ADGRL3: variants seen among roughly 807,000 people sequenced by gnomAD.
ADGRL3 encodes the protein calcium-independent alpha-latrotoxin receptor 3.
A neutral mutation model predicts 153.5 loss-of-function variants in ADGRL3; 62 were observed. The ratio of observed to expected loss-of-function variants is 0.40; its 90% CI spans 0.33 to 0.50. The LOEUF is 0.50. ADGRL3 is among the 20% of genes least tolerant of loss of function. The probability of loss-of-function intolerance (pLI) is 0.47; values close to 1 mark genes in which losing one functional copy is unlikely to be tolerated. For missense variants in ADGRL3, 1,641 were observed against 1,859.4 expected, an observed-to-expected ratio of 0.88 and a Z score of 2.16; for synonymous variants, 710 against 672.5, an observed-to-expected ratio of 1.06 and a Z score of -0.86.
chr4:61,715,790 T>C (rs2096097968), intron 6 of ADGRL3, among the ~76,000 whole-genome samples: 1 of 152,050 alleles, frequency 6.6e-6, no homozygotes, highest in Non-Finnish European at 1.5e-5. Context: ...CTTGGAGAGA[T>C]GGGCTTTTAT....
intron 2 of ADGRL3, among the ~76,000 whole-genome samples, chr4:61,436,663 G>C (rs1164000628): frequency 6.6e-6 from 1 of 152,154 alleles, no homozygotes; most frequent in Non-Finnish European, 1.5e-5. Context: ...GTGAGAACAT[G>C]TTCAAAGGCA....
At chr4:61,801,165 T>C (rs550347235) in intron 8 of ADGRL3, among the ~76,000 whole-genome samples, 7 of 152,274 alleles carry the variant, frequency 4.6e-5, no homozygotes, top group African/African-American at 1.7e-4. Context: ...CTTGAGAATA[T>C]GCTTTTCTTA....
chr4:62,056,439 C>T (rs917535422), intron 25 of ADGRL3, among the ~76,000 whole-genome samples: 1 of 151,888 alleles, frequency 6.6e-6, no homozygotes, highest in African/African-American at 2.4e-5. Flanking sequence ...GAAGGCAGTG[C>T]AGACATGTGA....
intron 5 of ADGRL3, among the ~76,000 whole-genome samples, chr4:61,639,011 A>G (rs1039596905): frequency 2.6e-5 from 4 of 152,072 alleles, no homozygotes; most frequent in African/African-American, 9.7e-5. Flanking sequence ...TGCTGACCAC[A>G]TTTCCTAAGC....
intron 17 of ADGRL3, among the ~76,000 whole-genome samples, chr4:61,973,214 T>A (rs919516553): frequency 2.0e-5 from 3 of 152,066 alleles, no homozygotes; most frequent in Admixed American, 2.0e-4. Context: ...TTATTTTTTT[T>A]AAATCATAAG....
At chr4:61,504,596 T>A (rs1025343230) in intron 3 of ADGRL3, among the ~76,000 whole-genome samples, 1 of 152,192 alleles carries the variant, frequency 6.6e-6, no homozygotes, top group African/African-American at 2.4e-5. Flanking sequence ...CACTAGATCT[T>A]ATTCCCTCTA....
chr4:61,961,632 C>T (rs924082651), intron 17 of ADGRL3, among the ~76,000 whole-genome samples: 10 of 151,932 alleles, frequency 6.6e-5, no homozygotes, highest in Non-Finnish European at 1.2e-4. Context: ...TATGTATTTT[C>T]CCCATTACTT....
At chr4:61,653,971 G>C (rs935727314) in intron 5 of ADGRL3, among the ~76,000 whole-genome samples, 2 of 152,136 alleles carry the variant, frequency 1.3e-5, no homozygotes, top group African/African-American at 4.8e-5. Context: ...AAAAGCTGTT[G>C]TTCTCAAGAA....
intron 12 of ADGRL3, among the ~76,000 whole-genome samples, 187 bp downstream of exon 12, chr4:61,909,932 T>A (rs2098714689): frequency 6.6e-6 from 1 of 152,118 alleles, no homozygotes; most frequent in South Asian, 2.1e-4. Context: ...GAACTGTGGT[T>A]CTTAATCTAA....
intron 8 of ADGRL3, among the ~76,000 whole-genome samples, chr4:61,804,963 A>ATTT (rs370949071): frequency 3.5e-5 from 5 of 144,068 alleles, no homozygotes; most frequent in African/African-American, 1.3e-4. Flanking sequence ...TTATTTATTT[A>ATTT]TTTTTTTTTT....
chr4:61,463,835 A>T (rs983854784), intron 2 of ADGRL3, among the ~76,000 whole-genome samples: 6 of 152,158 alleles, frequency 3.9e-5, no homozygotes, highest in African/African-American at 1.4e-4. Context: ...GTAACACCAG[A>T]TGTGGATGGT....
At chr4:61,964,519 A>G (rs1292319386) in intron 17 of ADGRL3, among the ~76,000 whole-genome samples, 1 of 152,000 alleles carries the variant, frequency 6.6e-6, no homozygotes, top group African/African-American at 2.4e-5. Context: ...CTTTTTTTTC[A>G]TAATGAAATT....
chr4:61,986,221 T>C (rs1316436698), intron 19 of ADGRL3, among the ~76,000 whole-genome samples: 1 of 152,178 alleles, frequency 6.6e-6, no homozygotes, highest in Non-Finnish European at 1.5e-5. Context: ...AATTGAGTAA[T>C]ATAGTTATTT....
chr4:61,368,331 G>C (rs1420916901), intron 1 of ADGRL3, among the ~76,000 whole-genome samples: 1 of 152,112 alleles, frequency 6.6e-6, no homozygotes, highest in African/African-American at 2.4e-5. Flanking sequence ...GTAATGCCTA[G>C]GTTTTCTTCT....
intron 2 of ADGRL3, among the ~76,000 whole-genome samples, chr4:61,466,980 C>T (rs2097892405): frequency 6.6e-6 from 1 of 151,926 alleles, no homozygotes; most frequent in African/African-American, 2.4e-5. Flanking sequence ...ATGGAAACTA[C>T]ACATTTTTAA....
At chr4:61,347,743 G>A (rs1043000435) in intron 1 of ADGRL3, among the ~76,000 whole-genome samples, 9 of 152,086 alleles carry the variant, frequency 5.9e-5, no homozygotes, top group Non-Finnish European at 1.3e-4. Context: ...TAATCAGTAT[G>A]ATCCTTGGTG....
intron 4 of ADGRL3, among the ~76,000 whole-genome samples, chr4:61,570,386 A>C (rs533685727): frequency 2.0e-5 from 3 of 152,194 alleles, no homozygotes; most frequent in African/African-American, 7.2e-5. Context: ...AATATAATCC[A>C]AACTTTTATT....
At chr4:61,413,391 G>A (rs2097110172) in intron 2 of ADGRL3, among the ~76,000 whole-genome samples, 1 of 152,034 alleles carries the variant, frequency 6.6e-6, no homozygotes, top group Non-Finnish European at 1.5e-5. Flanking sequence ...GACAACGTGG[G>A]GTGGCAGGTC....
chr4:61,307,716 A>G (rs942080799), intron 1 of ADGRL3, among the ~76,000 whole-genome samples: 4 of 152,196 alleles, frequency 2.6e-5, no homozygotes, highest in Non-Finnish European at 5.9e-5. Context: ...TATAAATGTA[A>G]TATAATATGA....
Sources: allele counts gnomAD v4.1 joint callset (sites outside exome capture counted in the v4.1 genomes callset), GRCh38; gene constraint gnomAD v4.1.1; transcripts MANE v1.5; gene names NCBI Gene and HGNC (gene_info 2026-07-23, HGNC 2026-07-21).